The following FUBP1 variants were observed in gnomAD, a reference collection of about 807,000 sequenced individuals.
FUBP1 encodes far upstream element binding protein 1.
A neutral mutation model predicts 94.9 loss-of-function variants in FUBP1; 16 were observed. That is an observed-to-expected ratio of 0.17 (90% CI 0.11 to 0.26). FUBP1 has a LOEUF of 0.26. FUBP1 is among the 10% of genes least tolerant of loss of function. The pLI, the probability that FUBP1 is intolerant of heterozygous loss-of-function variation, is 1.00. For missense variants in FUBP1, 583 were observed against 808.6 expected (o/e 0.72, Z 3.38); for synonymous variants, 279 against 254.9 (o/e 1.09, Z -0.90).
At chr1:77,968,945 A>C (rs1355191990) in intron 2 of FUBP1, 1 of 467,188 alleles carries the variant, frequency 2.1e-6, no homozygotes, top group African/African-American at 2.0e-5. Flanking sequence ...TCCAAGAAAT[A>C]TTTGTGTCCA....
At chr1:77,976,641 A>G (rs766712163) in intron 1 of FUBP1, among the ~76,000 whole-genome samples, 40 of 152,116 alleles carry the variant, frequency 2.6e-4, no homozygotes, top group Non-Finnish European at 3.5e-4. Flanking sequence ...CTACAGGCAC[A>G]GGCCACCAAG....
intron 7 of FUBP1, among the ~76,000 whole-genome samples, chr1:77,965,801 G>A (rs1002569656): frequency 6.6e-6 from 1 of 152,088 alleles, no homozygotes; most frequent in Non-Finnish European, 1.5e-5. Flanking sequence ...GTAATCCCAG[G>A]ACTTTGGGAG....
chr1:77,960,448 ACCATGGGGC>A lies in FUBP1; in HGVS notation c.1383_1391del (p.Pro462_Gly464del), dbSNP rs2102348530. 6.3e-7 allele frequency: 1 copy of A among 1,589,588 alleles called. No homozygotes were observed. Among genetic ancestry groups the A allele is most frequent in the South Asian group, 1.1e-5 (1 of 87,696 alleles). On this transcript the variant is annotated inframe_deletion, in exon 15 of 20. Transcript: ENST00000370768. Reference sequence around the variant, plus strand: ...CAGGAGGTCCATGGGGGCCTGGGACACCATGGGGCCCATGGGGTACAGGTGGCCCTAAAG... The same window carrying A: ...CAGGAGGTCCATGGGGGCCTGGGACACCATGGGGTACAGGTGGCCCTAAAG...
At position 77,967,797 on chromosome 1, in the gene FUBP1, A is replaced by T. The variant is rs568443160; in HGVS notation, c.251-131T>A. On this transcript the variant is annotated intron_variant, in intron 3 of 19. Transcript: ENST00000370768. The stretch of plus-strand genomic sequence containing the variant: ...ACAGACAACACCTTGAAGAGAGTCA[A>T]ATTTTTTACACAATATTTATATTGG... The T allele has an allele frequency of 1.4e-5, 8 of 587,732 alleles. No homozygotes were observed. In the Admixed American group the frequency reaches 2.5e-4, roughly 18 times the overall value. The allele number at this position is 587,732 out of a possible 1,614,324, so 36.4% of individuals were successfully genotyped here.
chr1:77,961,916 C>T (rs1332616888), intron 14 of FUBP1, among the ~76,000 whole-genome samples: 2 of 152,170 alleles, frequency 1.3e-5, no homozygotes, highest in African/African-American at 4.8e-5. Flanking sequence ...TTTTGTAAGA[C>T]GTTCCTTAAG....
At chr1:77,964,463 A>G (rs546956767) in intron 10 of FUBP1, 107 bp from the exon 11 acceptor site, 2 of 712,388 alleles carry the variant, frequency 2.8e-6, no homozygotes, top group African/African-American at 1.8e-5. Flanking sequence ...CTCAAATCAT[A>G]AAAGTACATA....
chr1:77,961,852 A>G (rs184840096), intron 14 of FUBP1, among the ~76,000 whole-genome samples: 103 of 152,214 alleles, frequency 6.8e-4, no homozygotes, highest in African/African-American at 2.3e-3. Flanking sequence ...CATCCTCTTC[A>G]TTTTTTGAAC....
At chr1:77,951,868 T>C (rs950120601) in intron 18 of FUBP1, among the ~76,000 whole-genome samples, 3 of 152,110 alleles carry the variant, frequency 2.0e-5, no homozygotes, top group Admixed American at 6.5e-5. Flanking sequence ...AAGTCCTCAC[T>C]CTACCCTCCT....
chr1:77,950,938 C>CTCTCATATACTATTAAAAAT (rs1488323577), intron 18 of FUBP1, among the ~76,000 whole-genome samples: 77 of 152,192 alleles, frequency 5.1e-4, no homozygotes, highest in Middle Eastern at 3.4e-3. Context: ...TAACAGAGAA[C>CTCTCATATACTATTAAAAAT]TCTCATATAC....
intron 14 of FUBP1, among the ~76,000 whole-genome samples, chr1:77,961,759 G>A (rs992349256): frequency 1.1e-4 from 17 of 152,144 alleles, no homozygotes. Flanking sequence ...ATGCATGTTA[G>A]GCTAATACTG....
At chr1:77,968,585 AAACT>A (rs1228382768) in intron 2 of FUBP1, among the ~76,000 whole-genome samples, 5 of 151,902 alleles carry the variant, frequency 3.3e-5, no homozygotes, top group African/African-American at 1.2e-4. Context: ...AAAGCCTATC[AAACT>A]ACAAAAATCT....
chr1:77,970,476 T>C (rs1025367689), intron 1 of FUBP1, among the ~76,000 whole-genome samples: 11 of 152,182 alleles, frequency 7.2e-5, no homozygotes, highest in African/African-American at 2.7e-4. Context: ...AAGTGTAAAA[T>C]TACTCACTGA....
Position 77,956,611 on chromosome 1 carries a change from G to A in FUBP1, c.1666C>T (p.Pro556Ser), listed in dbSNP as rs1294795474. The A allele has an allele frequency of 6.2e-7, 1 of 1,610,196 alleles. No homozygotes were observed. The highest frequency in any genetic ancestry group is 1.3e-5 in the African/African-American group (1 of 74,776). ...TGAGTTGTAGTTGGTGCACCTGCAGGGGCTGCTGGTGGTGGCTGTGCTTGC... is the reference window on the plus strand; with the variant it reads ...TGAGTTGTAGTTGGTGCACCTGCAGAGGCTGCTGGTGGTGGCTGTGCTTGC... ...QQQAQPPPAAPAGAPTTTQTN... is the reference protein window; with the variant it reads ...QQQAQPPPAASAGAPTTTQTN... Residue 556 changes from proline to serine, a missense_variant, in exon 17 of 20, where the codon CCT becomes TCT. Transcript: ENST00000370768.
At chr1:77,958,034 C>T (rs950363830) in intron 16 of FUBP1, among the ~76,000 whole-genome samples, 6 of 152,048 alleles carry the variant, frequency 3.9e-5, no homozygotes, top group African/African-American at 7.2e-5. Flanking sequence ...TCAAGTGATC[C>T]GCCCGCCTCA....
chr1:77,949,359 C>T (rs969930681), intron 18 of FUBP1, 59 bp from the exon 19 acceptor site: 1 of 1,363,758 alleles, frequency 7.3e-7, no homozygotes, highest in South Asian at 1.2e-5. Context: ...CATCTCATTT[C>T]TAATAAAAAC....
chr1:77,967,746 A>G, intron 3 of FUBP1, 80 bp from the exon 4 acceptor site: 1 of 847,942 alleles, frequency 1.2e-6, no homozygotes, highest in South Asian at 1.7e-5. Context: ...AATCACATCA[A>G]ACATTCAAAA....
chr1:77,961,282 C>T (rs1293283178), intron 14 of FUBP1, among the ~76,000 whole-genome samples: 3 of 152,306 alleles, frequency 2.0e-5, no homozygotes, highest in East Asian at 1.9e-4. Context: ...GGACAAAATG[C>T]TAACACTACA....
chr1:77,966,962 AG>A lies in FUBP1; in HGVS notation c.344-8del. 6.3e-7 allele frequency: 1 copy of A among 1,583,698 alleles called. No individual in the cohort carries two copies. The highest frequency in any genetic ancestry group is 8.6e-7 in the Non-Finnish European group (1 of 1,156,886). ...TCACCTCCTCTGCCAATTACTAGTT[AG>A]AAAAAAAAAAATTTTTTTTTTGGTT... is the stretch of plus-strand genomic sequence containing the variant. On this transcript the variant is annotated splice_polypyrimidine_tract_variant and splice_region_variant and intron_variant, in intron 5 of 19. Transcript: ENST00000370768.
chr1:77,958,099 G>A (rs1476801273), intron 16 of FUBP1, among the ~76,000 whole-genome samples: 1 of 152,114 alleles, frequency 6.6e-6, no homozygotes, highest in Non-Finnish European at 1.5e-5. Context: ...GCCATTATCT[G>A]TATATTAATC....
Sources: allele counts gnomAD v4.1 joint callset (sites outside exome capture counted in the v4.1 genomes callset), GRCh38; gene constraint gnomAD v4.1.1; transcripts MANE v1.5; gene names NCBI Gene and HGNC (gene_info 2026-07-23, HGNC 2026-07-21).